The following ZFYVE9 variants were observed in gnomAD, a reference collection of about 807,000 sequenced individuals.
The protein encoded by ZFYVE9 is zinc finger FYVE-type containing 9.
In ZFYVE9, 43 loss-of-function variants were observed where a neutral mutation model predicts 126.7. That is an observed-to-expected ratio of 0.34 (90% CI 0.27 to 0.44). ZFYVE9 has a LOEUF of 0.44. Among genes scored for constraint, ZFYVE9 ranks in the 20% least tolerant of loss-of-function variants. The probability of loss-of-function intolerance (pLI) is 1.00; values close to 1 mark genes in which losing one functional copy is unlikely to be tolerated. For synonymous variants in ZFYVE9, 521 were observed against 597.4 expected (o/e 0.87, Z 1.87); for missense variants, 1,476 against 1,697.0 (o/e 0.87, Z 2.29).
chr1:52,294,314 T>C (rs931436280), intron 11 of ZFYVE9, among the ~76,000 whole-genome samples: 1 of 152,244 alleles, frequency 6.6e-6, no homozygotes, highest in African/African-American at 2.4e-5. Flanking sequence ...TCTGATTGTG[T>C]TTCTTTTGTA....
intron 1 of ZFYVE9, among the ~76,000 whole-genome samples, 155 bp from the exon 2 acceptor site, chr1:52,216,214 C>A (rs1645071186): frequency 6.6e-6 from 1 of 152,118 alleles, no homozygotes; most frequent in African/African-American, 2.4e-5. Flanking sequence ...CTGTTGCTAC[C>A]TTGTATGCAA....
At chr1:52,171,610 C>A (rs1040807339) in intron 1 of ZFYVE9, among the ~76,000 whole-genome samples, 5 of 152,150 alleles carry the variant, frequency 3.3e-5, no homozygotes, top group African/African-American at 9.6e-5. Context: ...GTTTACAGTC[C>A]CACCAACAGT....
intron 11 of ZFYVE9, 83 bp from the exon 12 acceptor site, chr1:52,295,812 T>G: frequency 8.6e-7 from 1 of 1,161,606 alleles, no homozygotes; most frequent in Non-Finnish European, 1.2e-6. Context: ...AATTATATTT[T>G]GAAAATTGTA....
chr1:52,296,633 T>C (rs941933424), intron 12 of ZFYVE9, among the ~76,000 whole-genome samples: 1 of 152,144 alleles, frequency 6.6e-6, no homozygotes, highest in Non-Finnish European at 1.5e-5. Flanking sequence ...ATCCTGGATA[T>C]TTGGACCGTT....
In ZFYVE9 at chr1:52,142,707, C is replaced by G. The variant is rs1021165830; in HGVS notation, c.-143+304C>G. Among the ~76,000 whole-genome samples, 7 of 152,120 alleles carry G rather than the reference C, an allele frequency of 4.6e-5. No homozygotes were observed. The highest frequency in any genetic ancestry group is 7.4e-5 in the Non-Finnish European group (5 of 67,984). ...CTTTCGGGTTTGCATGGGCCCGGGC[C>G]GAGCGCAGCCTCTTAGCCCGGGCCC... On this transcript the variant is annotated intron_variant, in intron 1 of 18. Transcript: ENST00000287727. The surrounding 1 kb of genome is among the most constrained non-coding windows in gnomAD (Gnocchi z 4.5).
chr1:52,281,324 G>A (rs1237709071), intron 9 of ZFYVE9, among the ~76,000 whole-genome samples: 1 of 151,890 alleles, frequency 6.6e-6, no homozygotes, highest in Admixed American at 6.6e-5. Context: ...TAGTAGAGAC[G>A]GGGTTTCACC....
chr1:52,343,478 G>A (rs146799608), intron 17 of ZFYVE9, among the ~76,000 whole-genome samples: 191 of 150,746 alleles, frequency 1.3e-3, no homozygotes, highest in African/African-American at 4.5e-3. Flanking sequence ...CCTTTGGGCC[G>A]GGTGCGGTGG....
Position 52,346,256 on chromosome 1 carries a change from G to C in ZFYVE9, c.*35G>C. The C allele has an allele frequency of 6.6e-7, 1 of 1,504,148 alleles. No homozygotes were observed. The highest frequency in any genetic ancestry group is 2.0e-5 in the Admixed American group (1 of 49,262). The allele number at this position is 1,504,148 out of a possible 1,614,324, so 93.2% of individuals were successfully genotyped here. On this transcript the variant is annotated 3_prime_UTR_variant, in exon 19 of 19. Coordinates refer to ENST00000287727, the MANE Select transcript of ZFYVE9 (RefSeq NM_004799.4). ...ACTTCATTTTTTTCTGTTCAGACTT[G>C]TTGCAACAGCAGTCATACCCAAATC...
intron 1 of ZFYVE9, among the ~76,000 whole-genome samples, chr1:52,196,384 C>T (rs1480365666): frequency 6.6e-6 from 1 of 152,084 alleles, no homozygotes; most frequent in Non-Finnish European, 1.5e-5. Flanking sequence ...GCCTGTAATC[C>T]CAACACTTTG....
intron 1 of ZFYVE9, chr1:52,179,726 A>G: frequency 2.7e-6 from 1 of 371,466 alleles, no homozygotes; most frequent in Non-Finnish European, 5.0e-6. Flanking sequence ...GAGAGTATCA[A>G]GTTTTTATAG....
At chr1:52,307,538 C>G (rs559129809) in intron 13 of ZFYVE9, among the ~76,000 whole-genome samples, 5 of 152,178 alleles carry the variant, frequency 3.3e-5, no homozygotes, top group South Asian at 2.1e-4. Context: ...CGTTCAGCCC[C>G]CATAGTTACT....
chr1:52,216,463 A>G lies in ZFYVE9; in HGVS notation c.-48A>G, dbSNP rs1572107158. On this transcript the variant is annotated 5_prime_UTR_variant, in exon 2 of 19. It removes the in-frame stop codon of an upstream open reading frame in the 5' UTR. Transcript: ENST00000287727. ...GAAGTCTGTTCCTTATCACGTGTGT[A>G]AGGGGAAAAAGGTAAGAAAATGTTT... is the stretch of plus-strand genomic sequence containing the variant. The G allele has an allele frequency of 2.5e-6, 1 of 398,536 alleles. No individual in the cohort carries two copies. The allele number at this position is 398,536 out of a possible 1,614,324, so 24.7% of individuals were successfully genotyped here.
chr1:52,285,004 G>A (rs1283228485), intron 10 of ZFYVE9, among the ~76,000 whole-genome samples: 1 of 152,120 alleles, frequency 6.6e-6, no homozygotes, highest in Non-Finnish European at 1.5e-5. Context: ...CAAATATTGG[G>A]ACTAGAAGGC....
chr1:52,224,712 T>A (rs1296024839), intron 2 of ZFYVE9, among the ~76,000 whole-genome samples: 2 of 152,202 alleles, frequency 1.3e-5, no homozygotes, highest in African/African-American at 4.8e-5. Flanking sequence ...TTCCAGTATT[T>A]TAACATAAGG....
At chr1:52,181,633 G>A (rs1644704913) in intron 1 of ZFYVE9, among the ~76,000 whole-genome samples, 1 of 151,804 alleles carries the variant, frequency 6.6e-6, no homozygotes, top group African/African-American at 2.4e-5. Context: ...CATCTAGGAA[G>A]TGAGGAGCGC....
chr1:52,204,086 T>G (rs1396708019), intron 1 of ZFYVE9, among the ~76,000 whole-genome samples: 2 of 152,102 alleles, frequency 1.3e-5, no homozygotes, highest in Non-Finnish European at 2.9e-5. Context: ...CTCAAACTTT[T>G]TTTTTTTTTT....
At chr1:52,317,095 G>C (rs1467801018) in intron 13 of ZFYVE9, among the ~76,000 whole-genome samples, 1 of 152,102 alleles carries the variant, frequency 6.6e-6, no homozygotes, top group African/African-American at 2.4e-5. Flanking sequence ...TAATCCATGG[G>C]TCAAAGAATA....
chr1:52,334,796 A>C (rs200394977), intron 15 of ZFYVE9, 28 bp downstream of exon 15: 30 of 1,593,584 alleles, frequency 1.9e-5, no homozygotes, highest in Non-Finnish European at 2.2e-5. Flanking sequence ...CAGTCCTCAT[A>C]ATAAGGACTG....
chr1:52,173,553 A>G (rs1380518037), intron 1 of ZFYVE9, among the ~76,000 whole-genome samples: 1 of 152,036 alleles, frequency 6.6e-6, no homozygotes, highest in African/African-American at 2.4e-5. Context: ...TTTTCTGTTG[A>G]TTGGAATAGT....
Sources: gnomAD v4.1 joint callset for allele counts (sites outside exome capture counted in the v4.1 genomes callset) on GRCh38, gnomAD v4.1.1 for gene constraint, Gnocchi (gnomAD v3.1) non-coding constraint, MANE v1.5 for transcripts, NCBI Gene and HGNC (gene_info 2026-07-23, HGNC 2026-07-21) for gene names.